BTBD9: variants seen among roughly 807,000 people sequenced by gnomAD.
BTBD9 encodes the protein BTB/POZ domain-containing protein 9.
BTBD9 carries 49 observed loss-of-function variants against 64.3 expected under a neutral mutation model. The ratio of observed to expected loss-of-function variants is 0.76; its 90% CI spans 0.61 to 0.97. The LOEUF is 0.97. BTBD9 is among the 50% of genes least tolerant of loss of function. The probability of loss-of-function intolerance (pLI) is 0.00; values close to 1 mark genes in which losing one functional copy is unlikely to be tolerated. For missense variants in BTBD9, 598 were observed against 762.1 expected (o/e 0.78, Z 2.53); for synonymous variants, 260 against 274.7 (o/e 0.95, Z 0.53).
At chr6:38,416,428 G>C (rs577710714) in intron 6 of BTBD9, among the ~76,000 whole-genome samples, 1 of 150,468 alleles carries the variant, frequency 6.6e-6, no homozygotes. Flanking sequence ...TCCGTCTCCC[G>C]GGTTCACGCC....
chr6:38,557,997 T>A (rs1775103075), intron 6 of BTBD9, among the ~76,000 whole-genome samples: 2 of 152,322 alleles, frequency 1.3e-5, no homozygotes, highest in South Asian at 4.1e-4. Flanking sequence ...TGGTGGTTCA[T>A]GCCTGTAATC....
At chr6:38,316,231 G>C (rs1763024739) in intron 7 of BTBD9, among the ~76,000 whole-genome samples, 1 of 152,154 alleles carries the variant, frequency 6.6e-6, no homozygotes, top group African/African-American at 2.4e-5. Flanking sequence ...GTAGACAACA[G>C]ATTGTTGGGT....
At chr6:38,249,250 C>CT (rs1037416130) in intron 9 of BTBD9, among the ~76,000 whole-genome samples, 3 of 151,902 alleles carry the variant, frequency 2.0e-5, no homozygotes, top group African/African-American at 4.8e-5. Flanking sequence ...CATGAGTGAT[C>CT]TTCTTTCTTT....
intron 6 of BTBD9, among the ~76,000 whole-genome samples, chr6:38,543,030 A>C (rs1774358510): frequency 6.6e-6 from 1 of 152,176 alleles, no homozygotes. Flanking sequence ...TCTTACCTAA[A>C]AGGCCTTAAC....
chr6:38,596,128 T>C, intron 2 of BTBD9: 1 of 864,802 alleles, frequency 1.2e-6, no homozygotes, highest in Non-Finnish European at 1.4e-6. Flanking sequence ...CAATTAACAT[T>C]CCTTTGCACA....
chr6:38,556,546 TGTGTGAGAGAGA>T lies in BTBD9; in HGVS notation c.1154+21042_1154+21053del, dbSNP rs1167057428. ...GTGTGTGTGTGTGTGTGTGTGTGTG[TGTGTGAGAGAGA>T]GAGAGAGAGAGAGAGAGATTTGATC... On this transcript the variant is annotated intron_variant, in intron 6 of 10. Coordinates refer to ENST00000481247, the MANE Select transcript of BTBD9 (RefSeq NM_001099272.2). Among the ~76,000 whole-genome samples, 271 of 102,000 alleles carry T rather than the reference TGTGTGAGAGAGA, an allele frequency of 2.7e-3. 2 individuals carry two copies. The highest frequency in any genetic ancestry group is 3.5e-3 in the Admixed American group (38 of 10,920). The allele number at this position is 102,000 out of a possible 152,430, so 66.9% of individuals were successfully genotyped here.
chr6:38,573,354 C>T (rs1178404850), intron 6 of BTBD9, among the ~76,000 whole-genome samples: 2 of 151,960 alleles, frequency 1.3e-5, no homozygotes, highest in Non-Finnish European at 2.9e-5. Flanking sequence ...AGAGATATTT[C>T]CATTTTGATA....
intron 7 of BTBD9, among the ~76,000 whole-genome samples, chr6:38,322,473 C>T (rs1763276220): frequency 6.6e-6 from 1 of 152,288 alleles, no homozygotes; most frequent in East Asian, 1.9e-4. Flanking sequence ...AATTATACCT[C>T]CAGCATGAAA....
At position 38,597,120 on chromosome 6, in the gene BTBD9, A is replaced by G. The variant is rs9380758; in HGVS notation, c.185+790T>C. On this transcript the variant is annotated intron_variant, in intron 2 of 10. Coordinates refer to ENST00000481247, the MANE Select transcript of BTBD9 (RefSeq NM_001099272.2). ...CAGAGTAAATATTTCCAGGAGACAC[A>G]CTTTACCACAACATGTCTGACTCTA... Among the ~76,000 whole-genome samples the G allele has an allele frequency of 3.5e-3, 527 of 152,274 alleles. 24 individuals carry two copies. In the East Asian group the frequency reaches 0.093, roughly 27 times the overall value.
chr6:38,357,920 CTAAT>C (rs2127596310), intron 6 of BTBD9, among the ~76,000 whole-genome samples: 1 of 152,230 alleles, frequency 6.6e-6, no homozygotes, highest in Admixed American at 6.5e-5. Context: ...TGTTTTTTCA[CTAAT>C]TAAATTCCAA....
intron 6 of BTBD9, among the ~76,000 whole-genome samples, chr6:38,438,680 C>A (rs953396768): frequency 2.0e-5 from 3 of 152,136 alleles, no homozygotes; most frequent in African/African-American, 7.2e-5. Context: ...ATTTATTGAG[C>A]ATTTACTATG....
intron 6 of BTBD9, among the ~76,000 whole-genome samples, chr6:38,447,782 A>G (rs1769343757): frequency 6.6e-6 from 1 of 152,164 alleles, no homozygotes; most frequent in Non-Finnish European, 1.5e-5. Flanking sequence ...AGGCTGTACA[A>G]TGTAGTTTAT....
chr6:38,478,171 T>C (rs1394840452), intron 6 of BTBD9, among the ~76,000 whole-genome samples: 3 of 152,090 alleles, frequency 2.0e-5, no homozygotes, highest in Non-Finnish European at 4.4e-5. Flanking sequence ...GGGTCAGAAG[T>C]TTAAAAATTT....
intron 6 of BTBD9, among the ~76,000 whole-genome samples, chr6:38,414,267 T>C (rs1281570165): frequency 1.3e-5 from 2 of 152,192 alleles, no homozygotes; most frequent in Non-Finnish European, 2.9e-5. Flanking sequence ...CTCCCTGCTA[T>C]CTGGAATAGG....
rs1286973092 is a variant in BTBD9 at position 38,592,831 on chromosome 6, A to C, written c.559T>G (p.Leu187Val). ...GFLSLSKTALLNIVLRDSFAA... is the reference protein window; with the variant it reads ...GFLSLSKTALVNIVLRDSFAA... ...AATGAGTCTCTTAACACGATGTTTA[A>C]AAGTGCTGTCTGAAAAGGATAAAAA... Residue 187 changes from leucine (L) to valine (V), a missense_variant, in exon 4 of 11, where the codon TTA (leucine) becomes GTA (valine). By Grantham distance (32) the Leu-to-Val change is conservative. Transcript: ENST00000481247. 1.2e-6 allele frequency: 2 copies of C among 1,613,838 alleles called. No individual in the cohort carries two copies. The highest frequency in any genetic ancestry group is 1.7e-6 in the Non-Finnish European group (2 of 1,179,858).
chr6:38,526,748 G>A (rs1773514593), intron 6 of BTBD9, among the ~76,000 whole-genome samples: 1 of 152,178 alleles, frequency 6.6e-6, no homozygotes. Context: ...GAGGCCTGTA[G>A]CCCCTTTGTT....
intron 1 of BTBD9, among the ~76,000 whole-genome samples, chr6:38,624,952 T>C (rs766006324): frequency 6.6e-6 from 1 of 152,224 alleles, no homozygotes; most frequent in Non-Finnish European, 1.5e-5. Context: ...GCAGTTTTCA[T>C]AGTTACATTA....
chr6:38,581,948 G>A (rs747659299), intron 4 of BTBD9, among the ~76,000 whole-genome samples: 5 of 152,140 alleles, frequency 3.3e-5, no homozygotes, highest in African/African-American at 7.2e-5. Flanking sequence ...AAAAAATACC[G>A]AATTCTCACA....
chr6:38,220,017 CGG>C (rs1561889190), intron 9 of BTBD9, among the ~76,000 whole-genome samples: 1 of 152,168 alleles, frequency 6.6e-6, no homozygotes, highest in African/African-American at 2.4e-5. Context: ...TAACCAACCA[CGG>C]AAGTAAATTT....
Sources: allele counts gnomAD v4.1 joint callset (sites outside exome capture counted in the v4.1 genomes callset), GRCh38; gene constraint gnomAD v4.1.1; transcripts MANE v1.5; gene names NCBI Gene and HGNC (gene_info 2026-07-23, HGNC 2026-07-21).